The following INPP4B variants were observed in gnomAD, a reference collection of about 807,000 sequenced individuals.
INPP4B encodes the protein inositol polyphosphate-4-phosphatase type II B, also known as inositol polyphosphate 4-phosphatase type II.
Under a neutral mutation model 122.5 loss-of-function variants are expected in INPP4B, and 55 were observed. That is an observed-to-expected ratio of 0.45 (90% CI 0.36 to 0.56). INPP4B has a LOEUF of 0.56. Among genes scored for constraint, INPP4B ranks in the 20% least tolerant of loss-of-function variants. The pLI is 0.00. For missense variants in INPP4B, 1,000 were observed against 1,097.7 expected, an observed-to-expected ratio of 0.91 and a Z score of 1.26; for synonymous variants, 403 against 388.7, an observed-to-expected ratio of 1.04 and a Z score of -0.43.
intron 2 of INPP4B, among the ~76,000 whole-genome samples, chr4:142,564,848 G>C (rs917980086): frequency 1.3e-5 from 2 of 151,964 alleles, no homozygotes; most frequent in Non-Finnish European, 2.9e-5. Context: ...TTATTTTCAG[G>C]TCAGTATTTA....
chr4:142,724,465 A>G (rs1229705629), intron 2 of INPP4B, among the ~76,000 whole-genome samples: 5 of 152,042 alleles, frequency 3.3e-5, no homozygotes, highest in African/African-American at 1.2e-4. Context: ...TCTAGCATTT[A>G]TCTCCCTATG....
At chr4:142,789,861 C>G (rs1776292021) in intron 1 of INPP4B, among the ~76,000 whole-genome samples, 1 of 152,048 alleles carries the variant, frequency 6.6e-6, no homozygotes, top group African/African-American at 2.4e-5. Context: ...ATCACCAAAA[C>G]AGCATGGTAC....
chr4:142,784,008 A>AAAGAGCTTAG (rs1407446393), intron 1 of INPP4B, among the ~76,000 whole-genome samples: 1 of 152,188 alleles, frequency 6.6e-6, no homozygotes, highest in Non-Finnish European at 1.5e-5. Context: ...TTCAGCATGT[A>AAAGAGCTTAG]AAGAGCTTAG....
intron 2 of INPP4B, among the ~76,000 whole-genome samples, chr4:142,537,955 G>A (rs1206531800): frequency 6.6e-6 from 1 of 151,962 alleles, no homozygotes; most frequent in Non-Finnish European, 1.5e-5. Context: ...TGGAGTTCAG[G>A]ATGTAAAAAC....
At chr4:142,223,497 A>G (rs1247407930) in intron 12 of INPP4B, among the ~76,000 whole-genome samples, 1 of 152,130 alleles carries the variant, frequency 6.6e-6, no homozygotes, top group Non-Finnish European at 1.5e-5. Context: ...ATTGAAAAAA[A>G]TGTGCTTCTA....
In INPP4B at chr4:142,214,409, C is replaced by T. The variant is rs541049495; in HGVS notation, c.837-5383G>A. Among the ~76,000 whole-genome samples, 7 of 152,302 alleles carry T rather than the reference C, an allele frequency of 4.6e-5. No homozygotes were observed. In the South Asian group the frequency reaches 1.5e-3, roughly 32 times the overall value. On this transcript the variant is annotated intron_variant, in intron 12 of 25. Coordinates refer to ENST00000262992, the MANE Select transcript of INPP4B (RefSeq NM_001101669.3). ...AGTCTGGATCTTCTGAGATGTCCTT[C>T]TTGAACGGGCCCCACTTGTCACATT... is the stretch of plus-strand genomic sequence containing the variant.
chr4:142,601,952 G>C (rs571338730), intron 2 of INPP4B, among the ~76,000 whole-genome samples: 2 of 106,360 alleles, frequency 1.9e-5, no homozygotes, highest in African/African-American at 3.8e-5. Context: ...GTGGGTGACA[G>C]AGCAAGACTC....
chr4:142,491,738 A>T (rs1048161055), intron 2 of INPP4B, among the ~76,000 whole-genome samples: 1 of 152,218 alleles, frequency 6.6e-6, no homozygotes, highest in African/African-American at 2.4e-5. Flanking sequence ...TATATGAAAA[A>T]AATGCTCACC....
intron 2 of INPP4B, among the ~76,000 whole-genome samples, chr4:142,593,646 A>G (rs1352584548): frequency 6.6e-6 from 1 of 152,292 alleles, no homozygotes; most frequent in African/African-American, 2.4e-5. Context: ...ACTTTTAGCC[A>G]TAATGGGACC....
chr4:142,677,738 A>C (rs1758022995), intron 2 of INPP4B, among the ~76,000 whole-genome samples: 1 of 152,138 alleles, frequency 6.6e-6, no homozygotes, highest in Non-Finnish European at 1.5e-5. Context: ...AAACTAACAC[A>C]GGAACAGAAA....
intron 2 of INPP4B, among the ~76,000 whole-genome samples, chr4:142,698,318 T>C (rs1761281042): frequency 6.6e-6 from 1 of 152,016 alleles, no homozygotes; most frequent in Non-Finnish European, 1.5e-5. Context: ...ACGAGATTAA[T>C]TTTTAAATCT....
intron 2 of INPP4B, among the ~76,000 whole-genome samples, chr4:142,705,787 T>C (rs1762404460): frequency 6.6e-6 from 1 of 152,224 alleles, no homozygotes; most frequent in African/African-American, 2.4e-5. Flanking sequence ...AATGAGATAA[T>C]GTACAAGGTT....
At chr4:142,276,323 C>T (rs1748380629) in intron 9 of INPP4B, among the ~76,000 whole-genome samples, 1 of 151,836 alleles carries the variant, frequency 6.6e-6, no homozygotes, top group Admixed American at 6.6e-5. Flanking sequence ...CTTAAAGGGG[C>T]TTAACTACAT....
At chr4:142,209,765 C>G (rs1417281890) in intron 12 of INPP4B, among the ~76,000 whole-genome samples, 1 of 126,844 alleles carries the variant, frequency 7.9e-6, no homozygotes, top group African/African-American at 3.1e-5. Flanking sequence ...TGCACTCCAG[C>G]CTGGGTGACA....
chr4:142,807,308 A>G (rs894113268), intron 1 of INPP4B, among the ~76,000 whole-genome samples: 4 of 152,236 alleles, frequency 2.6e-5, no homozygotes, highest in Admixed American at 2.6e-4. Flanking sequence ...AACAGACCAT[A>G]GGAATAGAGA....
At chr4:142,343,639 CA>C (rs929852410) in intron 7 of INPP4B, among the ~76,000 whole-genome samples, 23 of 152,000 alleles carry the variant, frequency 1.5e-4, no homozygotes, top group Non-Finnish European at 1.2e-4. Context: ...ACCAATAGCT[CA>C]AAATCATCCC....
At chr4:142,717,880 A>C (rs1017676686) in intron 2 of INPP4B, among the ~76,000 whole-genome samples, 2 of 151,030 alleles carry the variant, frequency 1.3e-5, no homozygotes, top group Non-Finnish European at 2.9e-5. Context: ...CTTAGAACTT[A>C]ACATATAATA....
intron 2 of INPP4B, among the ~76,000 whole-genome samples, chr4:142,558,662 G>A (rs910108553): frequency 2.0e-5 from 3 of 148,600 alleles, no homozygotes; most frequent in African/African-American, 7.5e-5. Context: ...TGTTGGGGGG[G>A]CAGTGTGGGG....
At chr4:142,076,700 C>T (rs1479283070) in intron 25 of INPP4B, among the ~76,000 whole-genome samples, 1 of 151,950 alleles carries the variant, frequency 6.6e-6, no homozygotes, top group African/African-American at 2.4e-5. Context: ...ATGTAACAAA[C>T]CTGCACGTTG....
Sources: gnomAD v4.1 joint callset for allele counts (sites outside exome capture counted in the v4.1 genomes callset) on GRCh38, gnomAD v4.1.1 for gene constraint, MANE v1.5 for transcripts, NCBI Gene and HGNC (gene_info 2026-07-23, HGNC 2026-07-21) for gene names.